UNC45A: variants seen among roughly 807,000 people sequenced by gnomAD.
UNC45A encodes the protein protein unc-45 homolog A.
UNC45A carries 78 observed loss-of-function variants against 103.2 expected under a neutral mutation model. That is an observed-to-expected ratio of 0.76 (90% confidence interval 0.63 to 0.91). The LOEUF (loss-of-function observed/expected upper bound fraction) is 0.91, where lower values mean the gene tolerates loss of function less well. UNC45A is among the 40% of genes least tolerant of loss of function. UNC45A has a pLI of 0.00. For missense variants in UNC45A, 1,193 were observed against 1,224.8 expected (o/e 0.97, Z 0.39); for synonymous variants, 495 against 504.6 (o/e 0.98, Z 0.25).
chr15:90,946,818 T>TA lies in UNC45A; in HGVS notation c.1406dup (p.Arg470AlafsTer18). 1 of 1,614,154 alleles carries TA rather than the reference T, an allele frequency of 6.2e-7. No individual in the cohort carries two copies. Among genetic ancestry groups the TA allele is most frequent in the East Asian group, 2.2e-5 (1 of 44,876 alleles). ...CTCTGATCCATGCAGCCGGCAAGGC[T>TA]AAGCGGGCCTCATTCATCACTGCCA... On this transcript the variant is annotated frameshift_variant, in exon 10 of 20. Coordinates refer to ENST00000418476, the MANE Select transcript of UNC45A (RefSeq NM_018671.5). LOFTEE classifies it high-confidence loss of function.
intron 8 of UNC45A, 81 bp downstream of exon 8, chr15:90,943,163 G>A: frequency 5.4e-6 from 8 of 1,487,686 alleles, no homozygotes; most frequent in Non-Finnish European, 7.2e-6. Flanking sequence ...AGTTGTGAGT[G>A]GGGCCAGGCA....
chr15:90,939,959 T>C, intron 5 of UNC45A, 136 bp downstream of exon 5: 1 of 794,052 alleles, frequency 1.3e-6, no homozygotes, highest in South Asian at 1.7e-5. Context: ...ATGGGAGCTC[T>C]GAGGGTCTGG....
At chr15:90,944,211 C>T (rs2036445407) in intron 8 of UNC45A, among the ~76,000 whole-genome samples, 1 of 151,760 alleles carries the variant, frequency 6.6e-6, no homozygotes, top group South Asian at 2.1e-4. Flanking sequence ...ATGGTGAAAC[C>T]CCGTCTCTAC....
Position 90,946,748 on chromosome 15 carries a change from T to C in UNC45A, c.1334T>C (p.Leu445Pro), listed in dbSNP as rs752126892. 1.2e-6 allele frequency: 2 copies of C among 1,614,004 alleles called. No individual in the cohort carries two copies. The highest frequency in any genetic ancestry group is 4.5e-5 in the East Asian group (2 of 44,888). ...GGTGTCATGGAGAGTGTGATTGCTC[T>C]GTGTGCCTCTGAGCAGGAGGAGGAG... is the stretch of plus-strand genomic sequence containing the variant. Reference protein sequence around the residue: ...LSGVMESVIALCASEQEEEQL... With the variant: ...LSGVMESVIAPCASEQEEEQL... The change falls in exon 10 of 20, where the codon CTG (leucine) becomes CCG (proline). Residue 445 changes from leucine to proline, a missense_variant. Coordinates refer to ENST00000418476, the MANE Select transcript of UNC45A (RefSeq NM_018671.5).
intron 4 of UNC45A, 80 bp downstream of exon 4, chr15:90,936,540 A>G (rs1303471701): frequency 6.7e-7 from 1 of 1,495,102 alleles, no homozygotes; most frequent in Non-Finnish European, 9.0e-7. Flanking sequence ...ACAGTTCTCC[A>G]GACGAGATCC....
chr15:90,933,899 G>T (rs961424959), upstream of UNC45A: 2 of 395,900 alleles, frequency 5.1e-6, no homozygotes, highest in Non-Finnish European at 8.9e-6. Context: ...AAAAGCCTGT[G>T]ATAGAGAAGC....
rs2036684121 is a variant in UNC45A, at chr15:90,948,259, G to A, written c.1713G>A (p.Leu571=). ...KEEFVEDAAA[L]KALFQLSRLE... is the part of the protein sequence containing the mutation. ...AGTTTGTGGAGGATGCGGCTGCTCTGAAAGCTCTGTTCCAGCTCAGCAGGG... is the reference window on the plus strand; with the variant it reads ...AGTTTGTGGAGGATGCGGCTGCTCTAAAAGCTCTGTTCCAGCTCAGCAGGG... Residue 571 remains leucine (L), a synonymous_variant, in exon 12 of 20, where the codon CTG becomes CTA. Transcript: ENST00000418476. The A allele has an allele frequency of 6.2e-7, 1 of 1,613,978 alleles. No individual in the cohort carries two copies. Among genetic ancestry groups the A allele is most frequent in the Non-Finnish European group, 8.5e-7 (1 of 1,180,042 alleles).
chr15:90,936,256 G>A (rs1195682037), intron 3 of UNC45A, 29 bp from the exon 4 acceptor site: 38 of 1,598,970 alleles, frequency 2.4e-5, no homozygotes, highest in Non-Finnish European at 3.2e-5. Flanking sequence ...GGCCTCATGG[G>A]TGCTGACAGC....
chr15:90,931,936 C>G, upstream of UNC45A: 1 of 1,613,788 alleles, frequency 6.2e-7, no homozygotes, highest in South Asian at 1.1e-5. Context: ...TGTCATGGAG[C>G]AGGGCCGCCT....
At chr15:90,947,934 A>G (rs1185733241) in intron 11 of UNC45A, 44 bp downstream of exon 11, 3 of 1,567,582 alleles carry the variant, frequency 1.9e-6, no homozygotes, top group Non-Finnish European at 2.6e-6. Flanking sequence ...TGTGGGGTAG[A>G]TCTCAAGACA....
chr15:90,953,678 G>A lies in UNC45A; in HGVS notation c.2797G>A (p.Glu933Lys), dbSNP rs201023568. 9.9e-6 allele frequency: 16 copies of A among 1,613,968 alleles called. No individual in the cohort carries two copies. Among genetic ancestry groups the A allele is most frequent in the Non-Finnish European group, 1.3e-5 (15 of 1,180,020 alleles). Residue 933 changes from glutamate to lysine, a missense_variant, in exon 20 of 20, where the codon GAA (glutamate) becomes AAA (lysine). Physicochemically the swap from Glu to Lys is moderately conservative, Grantham distance 56. Coordinates refer to ENST00000418476, the MANE Select transcript of UNC45A (RefSeq NM_018671.5). The stretch of plus-strand genomic sequence containing the variant: ...TGCAGCCTGCCTGGACAAAGCAGTG[G>A]AATATGGGCTTATCCAACCCAACCA... ...AAAACLDKAVEYGLIQPNQDG... is the reference protein window; with the variant it reads ...AAAACLDKAVKYGLIQPNQDG...
Position 90,953,589 on chromosome 15 carries a change from G to C in UNC45A, c.2708G>C (p.Ser903Thr). The change falls in exon 20 of 20, where the codon AGT becomes ACT. Residue 903 changes from serine (S) to threonine (T), a missense_variant. Ser to Thr is a moderately conservative substitution (Grantham distance 58). Transcript: ENST00000418476. ...GAGATTGCCAGCACCCTGATGGAGA[G>C]TGAGATGATGGAGATCTTGTCAGTG... ...SREIASTLME[S>T]EMMEILSVLA... The C allele has an allele frequency of 1.2e-6, 2 of 1,614,196 alleles. No homozygotes were observed. Among genetic ancestry groups the C allele is most frequent in the Non-Finnish European group, 1.7e-6 (2 of 1,180,032 alleles).
chr15:90,946,606 C>A lies in UNC45A; in HGVS notation c.1200-8C>A. On this transcript the variant is annotated splice_region_variant and splice_polypyrimidine_tract_variant and intron_variant, in intron 9 of 19. Coordinates refer to ENST00000418476, the MANE Select transcript of UNC45A (RefSeq NM_018671.5). ...TTGGTGTGACGGCTGTCACCCTGTGCCCCTCAGGAGCTGGTTTGAGGGCCA... is the reference window on the plus strand; with the variant it reads ...TTGGTGTGACGGCTGTCACCCTGTGACCCTCAGGAGCTGGTTTGAGGGCCA... 2 of 1,593,430 alleles carry A rather than the reference C, an allele frequency of 1.3e-6. No homozygotes were observed. Among genetic ancestry groups the A allele is most frequent in the Non-Finnish European group, 1.7e-6 (2 of 1,167,854 alleles).
chr15:90,932,152 T>A, upstream of UNC45A: 2 of 1,554,702 alleles, frequency 1.3e-6, no homozygotes, highest in South Asian at 2.5e-5. Context: ...TCGGAGGTAG[T>A]CCCAAGGCGG....
In UNC45A at chr15:90,946,973, C is replaced by A. The variant is rs941778123; in HGVS notation, c.1500+59C>A. On this transcript the variant is annotated intron_variant, in intron 10 of 19. Transcript: ENST00000418476. ...AGCCAGGCAGGGGTCCTGGTCCAGC[C>A]GGTGTTGCAGGGTGTGGCCCCAGCA... is the stretch of plus-strand genomic sequence containing the variant. 189 of 1,555,168 alleles carry A rather than the reference C, an allele frequency of 1.2e-4. No homozygotes were observed. In the African/African-American group the frequency reaches 2.4e-3, roughly 20 times the overall value.
rs1350397115 is a variant in UNC45A, at chr15:90,953,037, G to C, written c.2412G>C (p.Met804Ile). The C allele has an allele frequency of 6.2e-7, 1 of 1,613,602 alleles. No homozygotes were observed. The highest frequency in any genetic ancestry group is 2.2e-5 in the East Asian group (1 of 44,886). The stretch of plus-strand genomic sequence containing the variant: ...CGGAGTGCATGTGTAACTTGGCCAT[G>C]AGCAAGGAGGTGAGGGTTGGTCTGG... ...AATECMCNLA[M>I]SKEVQDLFEA... Residue 804 changes from methionine (M) to isoleucine (I), a missense_variant, in exon 18 of 20, where the codon ATG becomes ATC. Physicochemically the swap from Met to Ile is conservative, Grantham distance 10. Coordinates refer to ENST00000418476, the MANE Select transcript of UNC45A (RefSeq NM_018671.5).
At chr15:90,949,169 C>A in intron 13 of UNC45A, 147 bp from the exon 14 acceptor site, 8 of 1,188,918 alleles carry the variant, frequency 6.7e-6, no homozygotes, top group Non-Finnish European at 8.2e-6. Flanking sequence ...AGCCACCGTG[C>A]CCAGCCAACA....
chr15:90,931,900 C>T (rs2035807981), upstream of UNC45A: 1 of 1,614,064 alleles, frequency 6.2e-7, no homozygotes, highest in African/African-American at 1.3e-5. Context: ...CCACCTCATC[C>T]AGGGTGGTGT....
intron 6 of UNC45A, among the ~76,000 whole-genome samples, chr15:90,942,148 C>A (rs1338976812): frequency 6.6e-6 from 1 of 152,044 alleles, no homozygotes; most frequent in East Asian, 1.9e-4. Context: ...CTTGGGGAGG[C>A]ATGAGCTAAG....
Sources: gnomAD v4.1 joint callset for allele counts (sites outside exome capture counted in the v4.1 genomes callset) on GRCh38, gnomAD v4.1.1 for gene constraint, MANE v1.5 for transcripts, NCBI Gene and HGNC (gene_info 2026-07-23, HGNC 2026-07-21) for gene names.